TESK2: variants seen among roughly 807,000 people sequenced by gnomAD.
TESK2 encodes the protein dual specificity testis-specific protein kinase 2.
TESK2 carries 39 observed loss-of-function variants against 57.1 expected under a neutral mutation model. The ratio of observed to expected loss-of-function variants is 0.68; its 90% confidence interval spans 0.53 to 0.89. The LOEUF (loss-of-function observed/expected upper bound fraction) is 0.89, where lower values mean the gene tolerates loss of function less well. Among genes scored for constraint, TESK2 ranks in the 40% least tolerant of loss-of-function variants. The probability of loss-of-function intolerance (pLI) is 0.00; values close to 1 mark genes in which losing one functional copy is unlikely to be tolerated. For synonymous variants in TESK2, 249 were observed against 267.9 expected (o/e 0.93, Z 0.69); for missense variants, 646 against 732.1 (o/e 0.88, Z 1.36).
At chr1:45,398,911 AC>A (rs1649467741) in intron 3 of TESK2, 1 of 421,340 alleles carries the variant, frequency 2.4e-6, no homozygotes, top group African/African-American at 2.2e-5. Flanking sequence ...CAGTGGAGGA[AC>A]CTGAGGCCCT....
At chr1:45,404,149 C>T (rs1470591615) in intron 3 of TESK2, among the ~76,000 whole-genome samples, 1 of 152,116 alleles carries the variant, frequency 6.6e-6, no homozygotes, top group Non-Finnish European at 1.5e-5. Flanking sequence ...TCTATGTGAG[C>T]ACATTTCTGA....
intron 9 of TESK2, among the ~76,000 whole-genome samples, chr1:45,346,471 C>CA (rs889119113): frequency 6.6e-5 from 10 of 152,240 alleles, no homozygotes; most frequent in African/African-American, 2.2e-4. Flanking sequence ...GTCTACCCTA[C>CA]AGGTTGAGGA....
intron 3 of TESK2, chr1:45,415,420 T>G (rs1023065481): frequency 1.4e-6 from 1 of 699,900 alleles, no homozygotes; most frequent in East Asian, 2.6e-5. Flanking sequence ...TCCACCCCAT[T>G]TGCTCGCAAT....
chr1:45,358,833 G>A (rs1391350718), intron 4 of TESK2, among the ~76,000 whole-genome samples: 3 of 152,172 alleles, frequency 2.0e-5, no homozygotes, highest in African/African-American at 4.8e-5. Flanking sequence ...GGCAGAGACT[G>A]GCAGACTCTG....
intron 4 of TESK2, among the ~76,000 whole-genome samples, chr1:45,382,516 G>C (rs1224415575): frequency 6.6e-6 from 1 of 152,158 alleles, no homozygotes; most frequent in Admixed American, 6.5e-5. Flanking sequence ...TGGGATTACA[G>C]GCGTGAACTA....
intron 2 of TESK2, among the ~76,000 whole-genome samples, chr1:45,434,538 T>C (rs910131036): frequency 6.6e-6 from 1 of 151,960 alleles, no homozygotes; most frequent in Non-Finnish European, 1.5e-5. Context: ...TAATACCTCA[T>C]TGTATTGATT....
chr1:45,406,553 G>A (rs911293811), intron 3 of TESK2, among the ~76,000 whole-genome samples: 2 of 152,142 alleles, frequency 1.3e-5, no homozygotes, highest in African/African-American at 4.8e-5. Flanking sequence ...TGTTGTGAAG[G>A]CTGAGGCAGG....
At chr1:45,450,761 CTTTT>C (rs1226125414) in intron 2 of TESK2, among the ~76,000 whole-genome samples, 4 of 143,836 alleles carry the variant, frequency 2.8e-5, no homozygotes, top group Admixed American at 6.8e-5. Flanking sequence ...TTATTTATTT[CTTTT>C]TCTTTTTTTT....
chr1:45,391,482 C>T (rs1351167615), intron 3 of TESK2, among the ~76,000 whole-genome samples: 1 of 152,088 alleles, frequency 6.6e-6, no homozygotes, highest in Non-Finnish European at 1.5e-5. Context: ...CCCCATATCA[C>T]TCTTGAAACT....
Position 45,355,408 on chromosome 1 carries a change from G to T in TESK2, c.435C>A (p.Asn145Lys), listed in dbSNP as rs185925536. 2 of 1,613,528 alleles carry T rather than the reference G, an allele frequency of 1.2e-6. No individual in the cohort carries two copies. The highest frequency in any genetic ancestry group is 3.3e-5 in the Admixed American group (2 of 59,884). Residue 145 changes from asparagine (N) to lysine (K), a missense_variant, in exon 5 of 11, where the codon AAC becomes AAA. Coordinates refer to ENST00000372086, the MANE Select transcript of TESK2 (RefSeq NM_007170.3). ...CCCTCACAGTCCAAGGCAAATGCAG[G>T]TTACTGTCTAGCAACTGTTCCAGGT... Reference protein sequence around the residue: ...SGNLEQLLDSNLHLPWTVRVK... With the variant: ...SGNLEQLLDSKLHLPWTVRVK...
intron 2 of TESK2, among the ~76,000 whole-genome samples, chr1:45,430,309 T>C (rs1374363827): frequency 6.6e-6 from 1 of 151,528 alleles, no homozygotes; most frequent in Admixed American, 6.6e-5. Flanking sequence ...GGCAACATGG[T>C]AAAACACATC....
intron 1 of TESK2, among the ~76,000 whole-genome samples, chr1:45,471,119 T>C (rs948338321): frequency 4.6e-5 from 7 of 152,066 alleles, no homozygotes; most frequent in Non-Finnish European, 7.4e-5. Flanking sequence ...TAGTCCCAGC[T>C]ACTCAGGAGG....
chr1:45,376,300 C>T (rs1285218565), intron 4 of TESK2, among the ~76,000 whole-genome samples: 1 of 139,402 alleles, frequency 7.2e-6, no homozygotes, highest in Non-Finnish European at 1.5e-5. Flanking sequence ...TTTGTAGCCT[C>T]TGCCTCCAGG....
In TESK2 at chr1:45,345,987, G is replaced by A. The variant is rs1220960888; in HGVS notation, c.887C>T (p.Pro296Leu). Reference protein sequence around the residue: ...QLTFNCCNMDPKLRPSFVEIG... With the variant: ...QLTFNCCNMDLKLRPSFVEIG... The stretch of plus-strand genomic sequence containing the variant: ...CTCCACAAAAGATGGGCGCAGTTTG[G>A]GATCCATCTGTAGGTATCCACAACA... The change falls in exon 10 of 11, where the codon CCC becomes CTC. Residue 296 changes from proline to leucine, a missense_variant. Transcript: ENST00000372086. The A allele has an allele frequency of 1.9e-6, 3 of 1,613,548 alleles. No individual in the cohort carries two copies. The highest frequency in any genetic ancestry group is 2.5e-6 in the Non-Finnish European group (3 of 1,179,664).
chr1:45,385,352 T>C (rs1207899078), intron 4 of TESK2: 1 of 985,082 alleles, frequency 1.0e-6, no homozygotes, highest in East Asian at 1.1e-4. Context: ...GACTATCACA[T>C]ATTCCGCCTA....
chr1:45,420,665 A>G (rs1342202216), intron 3 of TESK2, among the ~76,000 whole-genome samples: 1 of 149,920 alleles, frequency 6.7e-6, no homozygotes, highest in Non-Finnish European at 1.5e-5. Flanking sequence ...CCCAGGGGGA[A>G]CCTCCACTTC....
intron 2 of TESK2, among the ~76,000 whole-genome samples, chr1:45,449,844 T>A (rs1337291390): frequency 6.6e-6 from 1 of 152,208 alleles, no homozygotes; most frequent in Admixed American, 6.5e-5. Context: ...TTATCTTTTT[T>A]CAGATAGTTA....
chr1:45,465,432 G>C (rs1652506854), intron 1 of TESK2, among the ~76,000 whole-genome samples: 1 of 146,638 alleles, frequency 6.8e-6, no homozygotes, highest in Non-Finnish European at 1.5e-5. Flanking sequence ...GAGAGAGAGA[G>C]AGAGAAAGAG....
chr1:45,441,952 T>C (rs1051606117), intron 2 of TESK2, among the ~76,000 whole-genome samples: 3 of 152,090 alleles, frequency 2.0e-5, no homozygotes, highest in African/African-American at 7.2e-5. Flanking sequence ...TGTTTTGTTT[T>C]TGAGACAAGG....
Sources: allele counts gnomAD v4.1 joint callset (sites outside exome capture counted in the v4.1 genomes callset), GRCh38; gene constraint gnomAD v4.1.1; transcripts MANE v1.5; gene names NCBI Gene and HGNC (gene_info 2026-07-23, HGNC 2026-07-21).